Variants in SRFBP1 observed in about 807,000 individuals in gnomAD.
SRFBP1 encodes the protein serum response factor-binding protein 1.
Under a neutral mutation model 45.5 loss-of-function variants are expected in SRFBP1, and 47 were observed. That is an observed-to-expected ratio of 1.03 (90% CI 0.82 to 1.32). SRFBP1 has a LOEUF of 1.32. Among genes scored for constraint, SRFBP1 ranks in the 40% most tolerant of loss-of-function variants. SRFBP1 has a pLI of 0.00. For missense variants in SRFBP1, 621 were observed against 484.6 expected (o/e 1.28, Z -2.64); for synonymous variants, 203 against 166.3 (o/e 1.22, Z -1.70).
chr5:122,027,165 A>G lies in SRFBP1; in HGVS notation c.*39A>G. 1 of 1,555,020 alleles carries G rather than the reference A, an allele frequency of 6.4e-7. No homozygotes were observed. On this transcript the variant is annotated 3_prime_UTR_variant, in exon 8 of 8. Coordinates refer to ENST00000339397, the MANE Select transcript of SRFBP1 (RefSeq NM_152546.3). ...CTGCAAACTTTTCCATCTAAAAAAAAAAATGTTTTTTTTAAGACAGGATCT... is the reference window on the plus strand; with the variant it reads ...CTGCAAACTTTTCCATCTAAAAAAAGAAATGTTTTTTTTAAGACAGGATCT...
At chr5:122,004,224 A>G (rs771910842) in intron 4 of SRFBP1, among the ~76,000 whole-genome samples, 26 of 152,140 alleles carry the variant, frequency 1.7e-4, no homozygotes, top group Admixed American at 8.5e-4. Context: ...TGGTTTGCAT[A>G]TATCTTATGT....
chr5:122,051,814 A>G (rs765237217), intron 2 of SRFBP1, among the ~76,000 whole-genome samples: 1 of 152,060 alleles, frequency 6.6e-6, no homozygotes, highest in African/African-American at 2.4e-5. Flanking sequence ...GCTGGTTATT[A>G]TGCAGACTTT....
intron 4 of SRFBP1, among the ~76,000 whole-genome samples, chr5:122,000,952 C>T (rs1752853051): frequency 6.6e-6 from 1 of 152,126 alleles, no homozygotes. Context: ...ATCATTCTCT[C>T]TGCCTTCAGG....
intron 2 of SRFBP1, among the ~76,000 whole-genome samples, chr5:122,053,656 G>T (rs1208332949): frequency 1.3e-5 from 2 of 152,174 alleles, no homozygotes; most frequent in African/African-American, 2.4e-5. Context: ...GCTCTAGCAG[G>T]TGTTGCCCAC....
intron 2 of SRFBP1, among the ~76,000 whole-genome samples, chr5:122,037,512 A>AT (rs1228026551): frequency 2.0e-5 from 3 of 151,040 alleles, no homozygotes; most frequent in Admixed American, 6.6e-5. Flanking sequence ...TTTTTATTTT[A>AT]TTTTTTTCAT....
chr5:122,068,174 T>TAAAAAAAAAAAAAAAAAAAAA (rs10650287), intron 2 of SRFBP1, among the ~76,000 whole-genome samples: 1 of 115,908 alleles, frequency 8.6e-6, no homozygotes. Flanking sequence ...TAATAACTAG[T>TAAAAAAAAAAAAAAAAAAAAA]AAAAAAAAAA....
chr5:122,007,235 G>T (rs953701267), intron 4 of SRFBP1, among the ~76,000 whole-genome samples: 1 of 152,004 alleles, frequency 6.6e-6, no homozygotes, highest in African/African-American at 2.4e-5. Flanking sequence ...TAAAGGCTGG[G>T]CTGGAGACAC....
In SRFBP1 at chr5:121,994,661, C is replaced by G; in HGVS notation, c.261C>G (p.Ile87Met). 1.3e-6 allele frequency: 2 copies of G among 1,588,432 alleles called. No homozygotes were observed. Among genetic ancestry groups the G allele is most frequent in the Non-Finnish European group, 1.7e-6 (2 of 1,165,436 alleles). ...GTGATGATATCAACTTTGAAAAAAT[C>G]TTCAAAAAGGTATATCTGCAATAGA... Reference protein sequence around the residue: ...ALGDDINFEKIFKKPDSTATE... With the variant: ...ALGDDINFEKMFKKPDSTATE... The change falls in exon 4 of 8, where the codon ATC becomes ATG. Residue 87 changes from isoleucine to methionine, a missense_variant. Coordinates refer to ENST00000339397, the MANE Select transcript of SRFBP1 (RefSeq NM_152546.3).
rs780495124 is a variant in SRFBP1, at chr5:122,026,912, GTTA to G, written c.1106-21_1106-19del. Reference sequence around the variant, plus strand: ...CTCCTATATGCTCTTTAAGTATATAGTTATTATTATTTTTGCTTTCTCTTCCTA... The same window carrying G: ...CTCCTATATGCTCTTTAAGTATATAGTTATTATTTTTGCTTTCTCTTCCTA... On this transcript the variant is annotated intron_variant, in intron 7 of 7. Transcript: ENST00000339397. The G allele has an allele frequency of 1.7e-5, 26 of 1,523,116 alleles. No homozygotes were observed. In the Admixed American group the frequency reaches 2.6e-4, roughly 15 times the overall value. The allele number at this position is 1,523,116 out of a possible 1,614,324, so 94.4% of individuals were successfully genotyped here.
At chr5:122,078,383 G>A (rs1754704239), downstream of SRFBP1, 1 of 165,362 alleles carries the variant, frequency 6.0e-6, no homozygotes, top group Non-Finnish European at 1.3e-5. Flanking sequence ...GTGCAAGGCG[G>A]ACAGCTCCTC....
rs58743539 is a variant in SRFBP1 at position 122,052,037 on chromosome 5, G to T, written n.312-23278G>T. Among the ~76,000 whole-genome samples the T allele has an allele frequency of 5.8e-4, 89 of 152,246 alleles. No individual in the cohort carries two copies. In the East Asian group the frequency reaches 0.015, roughly 25 times the overall value. On this transcript the variant is annotated intron_variant and non_coding_transcript_variant, in intron 2 of 2. Transcript: ENST00000504881. ...AGTTTGGCCACATATGAAATTTTTGGTTGGAAATTTTTTTCTTTAAGAATG... is the reference window on the plus strand; with the variant it reads ...AGTTTGGCCACATATGAAATTTTTGTTTGGAAATTTTTTTCTTTAAGAATG...
intron 1 of SRFBP1, among the ~76,000 whole-genome samples, chr5:121,972,496 G>A: frequency 6.6e-6 from 1 of 151,852 alleles, no homozygotes; most frequent in East Asian, 1.9e-4. Context: ...TAATTATGAT[G>A]AATTTATAGT....
chr5:121,995,369 G>A (rs1029773912), intron 4 of SRFBP1, among the ~76,000 whole-genome samples: 1 of 152,034 alleles, frequency 6.6e-6, no homozygotes, highest in Non-Finnish European at 1.5e-5. Flanking sequence ...CTCACTCAAA[G>A]CCGCTCAACT....
intron 1 of SRFBP1, among the ~76,000 whole-genome samples, chr5:121,971,482 A>G (rs563293239): frequency 2.0e-5 from 3 of 152,078 alleles, no homozygotes; most frequent in African/African-American, 7.2e-5. Flanking sequence ...TTGGAGGTGA[A>G]GAACATGAAT....
rs542040412 is a variant in SRFBP1 at position 122,008,913 on chromosome 5, C to T, written c.271-10347C>T. ...TATTTTCTTATTGCTTATGAAATAA[C>T]GTGAGTTTTGGGAGCTCTGGCTAGG... On this transcript the variant is annotated intron_variant, in intron 4 of 7. Coordinates refer to ENST00000339397, the MANE Select transcript of SRFBP1 (RefSeq NM_152546.3). 1.8e-4 allele frequency among the ~76,000 whole-genome samples: 28 copies of T among 152,148 alleles called. 1 individual carries two copies. In the South Asian group the frequency reaches 2.1e-3, roughly 11 times the overall value.
At chr5:122,057,451 T>C (rs1369379270) in intron 2 of SRFBP1, among the ~76,000 whole-genome samples, 1 of 135,130 alleles carries the variant, frequency 7.4e-6, no homozygotes, top group African/African-American at 2.8e-5. Flanking sequence ...TTTGGATTGT[T>C]CTCAGTTCTG....
intron 2 of SRFBP1, among the ~76,000 whole-genome samples, chr5:122,036,659 A>G (rs894614864): frequency 1.3e-4 from 20 of 152,154 alleles, no homozygotes; most frequent in African/African-American, 4.8e-4. Context: ...CTTGAGCACC[A>G]AGGCTCAATG....
chr5:122,007,107 A>G (rs76754385), intron 4 of SRFBP1, among the ~76,000 whole-genome samples: 13,662 of 152,046 alleles, frequency 0.09, 1,160 homozygotes, highest in African/African-American at 0.2. Context: ...AGTGTCTGGC[A>G]TGATTTGAGG....
At chr5:122,073,928 T>C (rs975059020) in intron 2 of SRFBP1, 4 of 1,274,228 alleles carry the variant, frequency 3.1e-6, no homozygotes, top group African/African-American at 1.5e-5. Flanking sequence ...GTGCTCTTCA[T>C]GAAATGCTAT....
Sources: allele counts gnomAD v4.1 joint callset (sites outside exome capture counted in the v4.1 genomes callset), GRCh38; gene constraint gnomAD v4.1.1; transcripts MANE v1.5; gene names NCBI Gene and HGNC (gene_info 2026-07-23, HGNC 2026-07-21).